MEMO1: variants seen among roughly 807,000 people sequenced by gnomAD.
The protein encoded by MEMO1 is protein MEMO1.
In MEMO1, 6 loss-of-function variants were observed where a neutral mutation model predicts 45.2. The observed-to-expected ratio is 0.13, with a 90% CI of 0.07 to 0.26. MEMO1 has a LOEUF of 0.26. MEMO1 is among the 10% of genes least tolerant of loss of function. MEMO1 has a pLI of 1.00. For missense variants in MEMO1, 184 were observed against 370.5 expected (o/e 0.50, Z 4.13); for synonymous variants, 78 against 124.3 (o/e 0.63, Z 2.48).
At chr2:32,004,996 T>C (rs372162906) in intron 2 of MEMO1, among the ~76,000 whole-genome samples, 45 of 149,592 alleles carry the variant, frequency 3.0e-4, no homozygotes, top group Middle Eastern at 3.5e-3. Context: ...CATATATCCA[T>C]CAAAAATCAC....
intron 6 of MEMO1, among the ~76,000 whole-genome samples, chr2:31,907,786 AACACACACACACACAC>A (rs3065385): frequency 1.4e-5 from 2 of 145,306 alleles, no homozygotes; most frequent in African/African-American, 5.1e-5. Flanking sequence ...CCGTGTCTTA[AACACACACACACACAC>A]ACACACACAC....
chr2:32,002,109 C>T (rs527802104), intron 2 of MEMO1, among the ~76,000 whole-genome samples: 174 of 140,970 alleles, frequency 1.2e-3, no homozygotes, highest in African/African-American at 4.5e-3. Flanking sequence ...CTCGCCAGTG[C>T]CCTCCAGCCT....
rs186995756 is a variant in MEMO1, at chr2:31,984,621, G to T, written c.61+25566C>A. Reference sequence around the variant, plus strand: ...CAAGAGCCATCCTGGCTAACACGGTGAAACCCCGTCTCTACTAAAAACACA... The same window carrying T: ...CAAGAGCCATCCTGGCTAACACGGTTAAACCCCGTCTCTACTAAAAACACA... On this transcript the variant is annotated intron_variant, in intron 2 of 9. Transcript: ENST00000404530. Among the ~76,000 whole-genome samples, 579 of 152,296 alleles carry T rather than the reference G, an allele frequency of 3.8e-3. 7 individuals carry two copies. Among genetic ancestry groups the T allele is most frequent in the Non-Finnish European group, 3.7e-3 (253 of 68,036 alleles).
chr2:31,958,179 A>C lies in MEMO1; in HGVS notation c.62-14796T>G, dbSNP rs565392142. On this transcript the variant is annotated intron_variant, in intron 2 of 9. Transcript: ENST00000404530. The stretch of plus-strand genomic sequence containing the variant: ...ATATTGATAAATTAGGGGGAAAACT[A>C]AGTTTGGAAATGAAGGGCACAGTCC... Among the ~76,000 whole-genome samples, 7 of 152,170 alleles carry C rather than the reference A, an allele frequency of 4.6e-5. No homozygotes were observed. In the East Asian group the frequency reaches 1.4e-3, roughly 30 times the overall value.
intron 8 of MEMO1, among the ~76,000 whole-genome samples, chr2:31,872,223 A>G (rs1197964391): frequency 6.6e-6 from 1 of 152,148 alleles, no homozygotes; most frequent in African/African-American, 2.4e-5. Flanking sequence ...AAAACAGGCA[A>G]AAGTCCTGAT....
At chr2:31,914,446 A>G (rs1443570882) in intron 6 of MEMO1, among the ~76,000 whole-genome samples, 1 of 152,196 alleles carries the variant, frequency 6.6e-6, no homozygotes, top group Admixed American at 6.5e-5. Context: ...CAGGGTGACT[A>G]TAGTCAATAA....
At chr2:31,881,610 G>GA (rs1421407059) in intron 8 of MEMO1, among the ~76,000 whole-genome samples, 33 of 149,578 alleles carry the variant, frequency 2.2e-4, no homozygotes, top group Non-Finnish European at 3.3e-4. Context: ...CAAATGAAGA[G>GA]AAAAAAACAA....
intron 7 of MEMO1, among the ~76,000 whole-genome samples, chr2:31,884,029 G>A (rs138326969): frequency 6.6e-6 from 1 of 151,750 alleles, no homozygotes; most frequent in East Asian, 1.9e-4. Flanking sequence ...CTTATGCAAC[G>A]TGAACAGAAT....
chr2:31,878,608 T>A (rs1474160565), intron 8 of MEMO1, among the ~76,000 whole-genome samples: 1 of 152,196 alleles, frequency 6.6e-6, no homozygotes, highest in East Asian at 1.9e-4. Context: ...GTGGAAATTA[T>A]GTACGGTGTT....
chr2:31,965,399 A>C (rs1668502163), intron 2 of MEMO1, among the ~76,000 whole-genome samples: 1 of 152,148 alleles, frequency 6.6e-6, no homozygotes, highest in South Asian at 2.1e-4. Flanking sequence ...GGCAACTATA[A>C]AGGGGTACAG....
intron 2 of MEMO1, among the ~76,000 whole-genome samples, chr2:31,986,268 A>AG (rs1470963552): frequency 1.3e-5 from 2 of 151,992 alleles, no homozygotes; most frequent in East Asian, 3.9e-4. Context: ...GCGTGGTGGC[A>AG]GGGGCCTGTA....
chr2:32,005,219 C>T (rs1673909593), intron 2 of MEMO1, among the ~76,000 whole-genome samples: 2 of 148,918 alleles, frequency 1.3e-5, no homozygotes, highest in Non-Finnish European at 3.0e-5. Flanking sequence ...CTTAAGGAGG[C>T]TGAAGGAGGA....
intron 2 of MEMO1, among the ~76,000 whole-genome samples, chr2:31,998,088 T>A (rs931241226): frequency 1.3e-5 from 2 of 152,194 alleles, no homozygotes; most frequent in Non-Finnish European, 2.9e-5. Context: ...CACAGCTCAC[T>A]GCAGCCTCAA....
At chr2:31,925,375 C>G (rs1227607875) in intron 4 of MEMO1, among the ~76,000 whole-genome samples, 1 of 148,340 alleles carries the variant, frequency 6.7e-6, no homozygotes, top group Admixed American at 6.9e-5. Flanking sequence ...ACTCAGGAGG[C>G]TGAGGCAGGA....
At chr2:31,874,233 A>G (rs1400653994) in intron 8 of MEMO1, among the ~76,000 whole-genome samples, 1 of 152,090 alleles carries the variant, frequency 6.6e-6, no homozygotes, top group Non-Finnish European at 1.5e-5. Flanking sequence ...AATAACTATG[A>G]CTAATATTTC....
At chr2:31,905,369 C>G (rs1005619483) in intron 6 of MEMO1, among the ~76,000 whole-genome samples, 1 of 152,210 alleles carries the variant, frequency 6.6e-6, no homozygotes, top group Non-Finnish European at 1.5e-5. Flanking sequence ...CATTATAAAT[C>G]TTTACTGTTT....
intron 2 of MEMO1, among the ~76,000 whole-genome samples, chr2:31,949,461 T>C (rs992200518): frequency 6.6e-6 from 1 of 151,880 alleles, no homozygotes; most frequent in East Asian, 1.9e-4. Flanking sequence ...TGGATAGAAT[T>C]GGAGATCATT....
intron 2 of MEMO1, among the ~76,000 whole-genome samples, chr2:31,998,410 C>T (rs1402147718): frequency 6.6e-6 from 1 of 152,200 alleles, no homozygotes; most frequent in South Asian, 2.1e-4. Context: ...ATCCCCCCAA[C>T]CTCTTCATGT....
At chr2:31,920,675 T>C (rs1037366489) in intron 5 of MEMO1, 123 bp downstream of exon 5, 3 of 494,600 alleles carry the variant, frequency 6.1e-6, no homozygotes, top group Admixed American at 4.4e-5. Context: ...AGATTAGTTA[T>C]AACAATTTTT....
Sources: gnomAD v4.1 joint callset for allele counts (sites outside exome capture counted in the v4.1 genomes callset) on GRCh38, gnomAD v4.1.1 for gene constraint, MANE v1.5 for transcripts, NCBI Gene and HGNC (gene_info 2026-07-23, HGNC 2026-07-21) for gene names.